The following RBFOX1 variants were observed in gnomAD, a reference collection of about 807,000 sequenced individuals.
The protein encoded by RBFOX1 is RNA binding protein fox-1 homolog 1.
A neutral mutation model predicts 57.7 loss-of-function variants in RBFOX1; 8 were observed. The observed-to-expected ratio is 0.14, with a 90% CI of 0.08 to 0.25. The LOEUF (loss-of-function observed/expected upper bound fraction) is 0.25, where lower values mean the gene tolerates loss of function less well. Ranked by LOEUF, RBFOX1 falls within the 10% of genes least tolerant of loss-of-function variation. RBFOX1 has a pLI of 1.00. For synonymous variants in RBFOX1, 326 were observed against 222.4 expected (o/e 1.47, Z -4.15); for missense variants, 611 against 548.5 (o/e 1.11, Z -1.14).
At chr16:7,055,010 TC>T (rs2051636083) in intron 4 of RBFOX1, among the ~76,000 whole-genome samples, 1 of 152,202 alleles carries the variant, frequency 6.6e-6, no homozygotes, top group African/African-American at 2.4e-5. Flanking sequence ...CCTTTCTTTT[TC>T]TCACGAAGCC....
At chr16:6,369,220 C>T (rs2152888285) in intron 2 of RBFOX1, among the ~76,000 whole-genome samples, 1 of 152,186 alleles carries the variant, frequency 6.6e-6, no homozygotes, top group African/African-American at 2.4e-5. Flanking sequence ...TGCTTATGTG[C>T]CTTAAATATC....
intron 3 of RBFOX1, among the ~76,000 whole-genome samples, chr16:6,866,944 A>G (rs988549338): frequency 6.6e-5 from 10 of 151,350 alleles, no homozygotes; most frequent in Non-Finnish European, 1.5e-4. Context: ...TAGCTTCATG[A>G]CAATATCTAA....
At chr16:7,100,744 GA>G (rs2062548857) in intron 4 of RBFOX1, among the ~76,000 whole-genome samples, 2 of 151,964 alleles carry the variant, frequency 1.3e-5, no homozygotes, top group South Asian at 4.2e-4. Flanking sequence ...CTCAGAGGGG[GA>G]AAAAAGATCC....
In RBFOX1 at chr16:6,127,284, T is replaced by A. The variant is rs537798462; in HGVS notation, c.-127+107292T>A. Among the ~76,000 whole-genome samples, 130 of 145,838 alleles carry A rather than the reference T, an allele frequency of 8.9e-4. 1 individual carries two copies. The highest frequency in any genetic ancestry group is 3.9e-3 in the South Asian group (18 of 4,584). On this transcript the variant is annotated intron_variant, in intron 1 of 15. Transcript: ENST00000550418. ...AGATTATTTTGTCTCTCTCTTTTTT[T>A]AAAAAAAAAAAAAATTGTTTTCCAG... is the stretch of plus-strand genomic sequence containing the variant.
intron 1 of RBFOX1, among the ~76,000 whole-genome samples, chr16:5,288,329 G>T (rs1020738341): frequency 6.6e-6 from 1 of 152,018 alleles, no homozygotes; most frequent in Non-Finnish European, 1.5e-5. Context: ...TTTGCCCTGT[G>T]AGCTTATGAG....
chr16:5,368,763 G>A (rs549828606), intron 1 of RBFOX1, among the ~76,000 whole-genome samples: 4 of 151,810 alleles, frequency 2.6e-5, no homozygotes, highest in South Asian at 2.1e-4. Flanking sequence ...GGGTCTCAGC[G>A]TTGATTTTTT....
At chr16:6,270,828 A>T (rs1262611232) in intron 1 of RBFOX1, among the ~76,000 whole-genome samples, 1 of 152,198 alleles carries the variant, frequency 6.6e-6, no homozygotes, top group Non-Finnish European at 1.5e-5. Flanking sequence ...TAACAAATTT[A>T]AAATAATTGA....
chr16:5,466,592 A>T (rs768051082), intron 1 of RBFOX1, among the ~76,000 whole-genome samples: 1 of 152,198 alleles, frequency 6.6e-6, no homozygotes, highest in Non-Finnish European at 1.5e-5. Context: ...AAGAAATGCT[A>T]TCTTCCTGTG....
At chr16:6,942,452 C>T (rs1007728147) in intron 3 of RBFOX1, among the ~76,000 whole-genome samples, 4 of 152,116 alleles carry the variant, frequency 2.6e-5, no homozygotes, top group Admixed American at 2.0e-4. Flanking sequence ...AGCCATTGTG[C>T]CCAGCCAGGA....
chr16:6,977,448 C>T (rs535682728), intron 3 of RBFOX1, among the ~76,000 whole-genome samples: 12 of 152,246 alleles, frequency 7.9e-5, no homozygotes, highest in African/African-American at 2.6e-4. Context: ...CCATACACAT[C>T]TAGAGGCCAG....
intron 1 of RBFOX1, among the ~76,000 whole-genome samples, chr16:6,193,211 G>T (rs1041867144): frequency 6.6e-6 from 1 of 151,170 alleles, no homozygotes; most frequent in Non-Finnish European, 1.5e-5. Flanking sequence ...GGGGACTCTC[G>T]CAGCAGATTG....
chr16:5,549,835 G>A (rs2045386072), intron 2 of RBFOX1, among the ~76,000 whole-genome samples: 1 of 152,166 alleles, frequency 6.6e-6, no homozygotes, highest in Non-Finnish European at 1.5e-5. Flanking sequence ...TACTGGGAAG[G>A]ATGGAAGCAG....
intron 2 of RBFOX1, among the ~76,000 whole-genome samples, chr16:6,535,564 A>C (rs748142539): frequency 6.6e-6 from 1 of 152,196 alleles, no homozygotes; most frequent in Admixed American, 6.5e-5. Context: ...TCTTTAGCAC[A>C]TGTAAATGGC....
intron 4 of RBFOX1, among the ~76,000 whole-genome samples, chr16:7,490,128 G>A (rs746662430): frequency 1.3e-5 from 2 of 152,180 alleles, no homozygotes; most frequent in African/African-American, 2.4e-5. Context: ...GGAGGAGGCT[G>A]CAGAACTTCC....
chr16:5,597,770 C>T (rs954875945), intron 2 of RBFOX1, among the ~76,000 whole-genome samples: 3 of 152,106 alleles, frequency 2.0e-5, no homozygotes, highest in African/African-American at 4.8e-5. Flanking sequence ...CTGCGCTGTA[C>T]CTCGTGGAAA....
At chr16:5,790,603 C>A (rs924142733) in intron 3 of RBFOX1, among the ~76,000 whole-genome samples, 1 of 151,986 alleles carries the variant, frequency 6.6e-6, no homozygotes, top group South Asian at 2.1e-4. Context: ...GGGGTTTGAT[C>A]CTGGGCCTAC....
At chr16:6,247,482 T>TA (rs2097575718) in intron 1 of RBFOX1, among the ~76,000 whole-genome samples, 1 of 152,184 alleles carries the variant, frequency 6.6e-6, no homozygotes, top group Admixed American at 6.5e-5. Flanking sequence ...AAATATAATA[T>TA]AATTTGAACA....
chr16:6,804,179 T>C (rs533143917), intron 3 of RBFOX1, among the ~76,000 whole-genome samples: 1 of 152,100 alleles, frequency 6.6e-6, no homozygotes, highest in African/African-American at 2.4e-5. Flanking sequence ...AGCTAACTTG[T>C]TTGTATTTTT....
chr16:5,360,347 A>G lies in RBFOX1; in HGVS notation c.220-106869A>G, dbSNP rs370529277. Among the ~76,000 whole-genome samples, 6 of 152,312 alleles carry G rather than the reference A, an allele frequency of 3.9e-5. No individual in the cohort carries two copies. In the South Asian group the frequency reaches 8.3e-4, roughly 21 times the overall value. On this transcript the variant is annotated intron_variant, in intron 1 of 2. Coordinates refer to the RBFOX1 transcript ENST00000585867. ...TCTGCTGAGGGAGTATATCAGCGCC[A>G]GGCAGCTCTGCCTATTTTCTGTGTT...
Sources: gnomAD v4.1 joint callset for allele counts (sites outside exome capture counted in the v4.1 genomes callset) on GRCh38, gnomAD v4.1.1 for gene constraint, MANE v1.5 for transcripts, NCBI Gene and HGNC (gene_info 2026-07-23, HGNC 2026-07-21) for gene names.